The following GSTCD variants were observed in gnomAD, a reference collection of about 807,000 sequenced individuals.
GSTCD encodes the protein glutathione S-transferase C-terminal domain-containing protein.
GSTCD carries 44 observed loss-of-function variants against 68.3 expected under a neutral mutation model. The ratio of observed to expected loss-of-function variants is 0.64; its 90% CI spans 0.51 to 0.83. The LOEUF is 0.83. Among genes scored for constraint, GSTCD ranks in the 40% least tolerant of loss-of-function variants. The pLI, the probability that GSTCD is intolerant of heterozygous loss-of-function variation, is 0.00. For missense variants in GSTCD, 739 were observed against 735.9 expected (o/e 1.00, Z -0.05); for synonymous variants, 273 against 255.2 (o/e 1.07, Z -0.67).
chr4:105,799,110 G>C (rs974281530), intron 5 of GSTCD, among the ~76,000 whole-genome samples: 3 of 152,070 alleles, frequency 2.0e-5, no homozygotes, highest in African/African-American at 7.2e-5. Flanking sequence ...ACCAATCTCT[G>C]CTAGGCTCCA....
chr4:105,777,217 G>C (rs1578466351), intron 5 of GSTCD, among the ~76,000 whole-genome samples: 1 of 152,112 alleles, frequency 6.6e-6, no homozygotes. Context: ...AATTGATTCA[G>C]AATTTATGCA....
intron 3 of GSTCD, among the ~76,000 whole-genome samples, chr4:105,722,772 C>CT (rs200607856): frequency 1.8e-4 from 26 of 147,028 alleles, no homozygotes; most frequent in Admixed American, 2.7e-4. Flanking sequence ...AATAGATCAT[C>CT]TTTTTTTTTT....
chr4:105,800,190 G>A (rs1736054205), intron 5 of GSTCD, among the ~76,000 whole-genome samples: 1 of 152,126 alleles, frequency 6.6e-6, no homozygotes, highest in Non-Finnish European at 1.5e-5. Context: ...CACAATTATG[G>A]TGGAAGGCAA....
At chr4:105,825,377 G>A (rs763637371) in intron 7 of GSTCD, among the ~76,000 whole-genome samples, 1 of 152,150 alleles carries the variant, frequency 6.6e-6, no homozygotes, top group Admixed American at 6.5e-5. Context: ...TGATCCGCTT[G>A]CCTCGGCCTC....
chr4:105,813,494 A>G (rs1189530018), intron 5 of GSTCD, among the ~76,000 whole-genome samples: 1 of 152,240 alleles, frequency 6.6e-6, no homozygotes, highest in Non-Finnish European at 1.5e-5. Flanking sequence ...GTGAAACATA[A>G]ATAAATTATG....
intron 5 of GSTCD, among the ~76,000 whole-genome samples, chr4:105,796,251 C>G (rs1735883133): frequency 6.6e-6 from 1 of 152,166 alleles, no homozygotes; most frequent in Non-Finnish European, 1.5e-5. Context: ...TTAAAACCAT[C>G]AGATCTCGTG....
chr4:105,754,253 T>C (rs1256821385), intron 5 of GSTCD, among the ~76,000 whole-genome samples: 1 of 152,130 alleles, frequency 6.6e-6, no homozygotes, highest in Non-Finnish European at 1.5e-5. Flanking sequence ...ATTTCCTTAA[T>C]AGCTATGCAA....
chr4:105,783,163 T>C (rs994195134), intron 5 of GSTCD, among the ~76,000 whole-genome samples: 1 of 152,184 alleles, frequency 6.6e-6, no homozygotes, highest in Non-Finnish European at 1.5e-5. Flanking sequence ...CTGGTGTGGA[T>C]AGTACTAGAT....
In GSTCD at chr4:105,760,690, G is replaced by T. The variant is rs368968895; in HGVS notation, c.1240+31191G>T. Among the ~76,000 whole-genome samples the T allele has an allele frequency of 3.3e-5, 5 of 152,222 alleles. No individual in the cohort carries two copies. In the East Asian group the frequency reaches 5.8e-4, roughly 18 times the overall value. Reference sequence around the variant, plus strand: ...GAATGTAAAGTATCTTAGTGAGAGGGAGCAGCATAAATGAAAATGGACTAG... The same window carrying T: ...GAATGTAAAGTATCTTAGTGAGAGGTAGCAGCATAAATGAAAATGGACTAG... On this transcript the variant is annotated intron_variant, in intron 5 of 11. Coordinates refer to ENST00000515279, the MANE Select transcript of GSTCD (RefSeq NM_001370181.1).
chr4:105,726,816 A>G lies in GSTCD; in HGVS notation c.1132A>G (p.Met378Val), dbSNP rs767853965. ...ATTTATAGGAGGACCAAGACCAACC[A>G]TGGCCAAGTTAATGGTACTTAATTA... is the stretch of plus-strand genomic sequence containing the variant. ...PLFIGGPRPT[M>V]AKLMEKGIEV... Residue 378 changes from methionine to valine, a missense_variant, in exon 4 of 12, where the codon ATG becomes GTG. Coordinates refer to ENST00000515279, the MANE Select transcript of GSTCD (RefSeq NM_001370181.1). 3 of 1,609,100 alleles carry G rather than the reference A, an allele frequency of 1.9e-6. No individual in the cohort carries two copies. Among genetic ancestry groups the G allele is most frequent in the Admixed American group, 1.7e-5 (1 of 59,196 alleles).
intron 5 of GSTCD, among the ~76,000 whole-genome samples, chr4:105,817,135 A>G (rs946963371): frequency 6.6e-6 from 1 of 151,912 alleles, no homozygotes; most frequent in African/African-American, 2.4e-5. Flanking sequence ...GCACAAATAT[A>G]ATGTTTTGTA....
chr4:105,744,823 T>A (rs1476595419), intron 5 of GSTCD, among the ~76,000 whole-genome samples: 1 of 152,192 alleles, frequency 6.6e-6, no homozygotes, highest in Non-Finnish European at 1.5e-5. Context: ...GTAAGTATGC[T>A]CATTGTTAAT....
At chr4:105,713,988 TTA>T (rs1732612087) in intron 1 of GSTCD, among the ~76,000 whole-genome samples, 1 of 151,972 alleles carries the variant, frequency 6.6e-6, no homozygotes, top group African/African-American at 2.4e-5. Flanking sequence ...TCTCTGTGTT[TTA>T]TCAAGGCTAA....
chr4:105,795,644 A>G (rs1735855720), intron 5 of GSTCD, among the ~76,000 whole-genome samples: 1 of 152,126 alleles, frequency 6.6e-6, no homozygotes, highest in East Asian at 1.9e-4. Flanking sequence ...ACCTGGCAAC[A>G]ATTGGCTAGA....
intron 5 of GSTCD, among the ~76,000 whole-genome samples, chr4:105,732,325 C>T (rs1733277124): frequency 6.6e-6 from 1 of 152,052 alleles, no homozygotes; most frequent in Non-Finnish European, 1.5e-5. Flanking sequence ...TGGTCCTGGA[C>T]TTTTTTTGGT....
At chr4:105,795,305 A>C (rs1444285228) in intron 5 of GSTCD, among the ~76,000 whole-genome samples, 1 of 151,470 alleles carries the variant, frequency 6.6e-6, no homozygotes, top group Non-Finnish European at 1.5e-5. Context: ...GTTGTATCTC[A>C]TAAGTATTGA....
At chr4:105,775,188 GT>G (rs1374798992) in intron 5 of GSTCD, among the ~76,000 whole-genome samples, 1 of 152,130 alleles carries the variant, frequency 6.6e-6, no homozygotes, top group African/African-American at 2.4e-5. Flanking sequence ...CTTGTGCTGT[GT>G]TTTTCAGTTC....
intron 5 of GSTCD, among the ~76,000 whole-genome samples, chr4:105,766,887 CTTTTTTTTTT>C: frequency 2.5e-4 from 14 of 57,132 alleles, no homozygotes; most frequent in Admixed American, 1.1e-3. Flanking sequence ...GTTTTTGACT[CTTTTTTTTTT>C]TTTTTTTTTT....
intron 5 of GSTCD, among the ~76,000 whole-genome samples, chr4:105,784,807 T>C (rs538625831): frequency 6.6e-6 from 1 of 152,324 alleles, no homozygotes; most frequent in South Asian, 2.1e-4. Context: ...TACTCAAATT[T>C]TCCCACATTT....
Sources: gnomAD v4.1 joint callset for allele counts (sites outside exome capture counted in the v4.1 genomes callset) on GRCh38, gnomAD v4.1.1 for gene constraint, MANE v1.5 for transcripts, NCBI Gene and HGNC (gene_info 2026-07-23, HGNC 2026-07-21) for gene names.